CDK19: variants seen among roughly 807,000 people sequenced by gnomAD.
The protein encoded by CDK19 is cyclin-dependent kinase 19.
A neutral mutation model predicts 68.3 loss-of-function variants in CDK19; 20 were observed. The ratio of observed to expected loss-of-function variants is 0.29; its 90% CI spans 0.21 to 0.43. CDK19 has a LOEUF of 0.43. CDK19 is among the 20% of genes least tolerant of loss of function. CDK19 has a pLI of 1.00. For missense variants in CDK19, 339 were observed against 623.5 expected, an observed-to-expected ratio of 0.54 and a Z score of 4.86; for synonymous variants, 221 against 222.8, an observed-to-expected ratio of 0.99 and a Z score of 0.07.
At chr6:110,806,398 C>A (rs549332183) in intron 1 of CDK19, among the ~76,000 whole-genome samples, 92 of 151,970 alleles carry the variant, frequency 6.1e-4, no homozygotes, top group Middle Eastern at 3.2e-3. Flanking sequence ...CTTAGCCAAC[C>A]CCCCCATCTC....
In CDK19 at chr6:110,610,961, C is replaced by T. The variant is rs868745382; in HGVS notation, c.*3574G>A. ...GCAGCACACATAGGTAAATGTCATC[C>T]CTTTCCATTCTTAAGAGTCCATTAT... On this transcript the variant is annotated 3_prime_UTR_variant, in exon 13 of 13. Coordinates refer to ENST00000368911, the MANE Select transcript of CDK19 (RefSeq NM_015076.5). 1 of 152,144 alleles carries T rather than the reference C, an allele frequency of 6.6e-6. No individual in the cohort carries two copies. Among genetic ancestry groups the T allele is most frequent in the Admixed American group, 6.5e-5 (1 of 15,274 alleles). The allele number at this position is 152,144 out of a possible 1,614,324, so 9.4% of individuals were successfully genotyped here.
At chr6:110,663,138 T>G (rs1330039648) in intron 4 of CDK19, among the ~76,000 whole-genome samples, 1 of 152,178 alleles carries the variant, frequency 6.6e-6, no homozygotes, top group Non-Finnish European at 1.5e-5. Context: ...TTATATGGAT[T>G]TTCCAGGTTT....
intron 1 of CDK19, among the ~76,000 whole-genome samples, chr6:110,799,083 C>T (rs1049497143): frequency 1.5e-5 from 2 of 135,472 alleles, no homozygotes; most frequent in Non-Finnish European, 1.5e-5. Flanking sequence ...GTTGAGGTTG[C>T]AGTGAGCTGT....
intron 1 of CDK19, among the ~76,000 whole-genome samples, chr6:110,764,159 T>G (rs1327291885): frequency 6.6e-6 from 1 of 152,212 alleles, no homozygotes; most frequent in Non-Finnish European, 1.5e-5. Context: ...AGACTCAATA[T>G]TGTCAAGAGC....
intron 1 of CDK19, among the ~76,000 whole-genome samples, chr6:110,812,812 T>TAAAAAAAAAAAA (rs66478846): frequency 9.8e-6 from 1 of 101,616 alleles, no homozygotes; most frequent in Non-Finnish European, 2.2e-5. Context: ...TTTAAAACAG[T>TAAAAAAAAAAAA]AAAAAAAAAA....
intron 1 of CDK19, among the ~76,000 whole-genome samples, chr6:110,804,947 C>A (rs802663): frequency 0.16 from 23,527 of 150,996 alleles, 2,036 homozygotes; most frequent in East Asian, 0.31. Context: ...CAGAACAAGA[C>A]TTCGTCTCAA....
intron 6 of CDK19, among the ~76,000 whole-genome samples, chr6:110,631,011 A>C: frequency 6.6e-6 from 1 of 152,160 alleles, no homozygotes; most frequent in East Asian, 1.9e-4. Flanking sequence ...TCCAAGTGTG[A>C]GAGTTTCCTT....
At chr6:110,808,216 C>T (rs181279759) in intron 1 of CDK19, among the ~76,000 whole-genome samples, 52 of 152,322 alleles carry the variant, frequency 3.4e-4, no homozygotes, top group African/African-American at 1.1e-3. Context: ...TTTCTAATCA[C>T]ACTAACTACA....
chr6:110,755,372 GC>G (rs1166665403), intron 1 of CDK19, among the ~76,000 whole-genome samples: 1 of 152,164 alleles, frequency 6.6e-6, no homozygotes, highest in Non-Finnish European at 1.5e-5. Flanking sequence ...AGACACACAA[GC>G]AAAGGGTACA....
In CDK19 at chr6:110,614,525, C is replaced by A. The variant is rs757754206; in HGVS notation, c.*10G>T. On this transcript the variant is annotated 3_prime_UTR_variant, in exon 13 of 13. Coordinates refer to ENST00000368911, the MANE Select transcript of CDK19 (RefSeq NM_015076.5). The stretch of plus-strand genomic sequence containing the variant: ...TCTGGGCTGGGCTGGCCTGGCCCAA[C>A]GGGAGCTGGTCAGTACCGGTGGGCC... 6.2e-7 allele frequency: 1 copy of A among 1,612,702 alleles called. No homozygotes were observed. The highest frequency in any genetic ancestry group is 1.3e-5 in the African/African-American group (1 of 74,856).
intron 6 of CDK19, among the ~76,000 whole-genome samples, chr6:110,630,613 T>C (rs1779376639): frequency 6.6e-6 from 1 of 152,188 alleles, no homozygotes. Flanking sequence ...CCACTTGCTG[T>C]CTGTAGTTCT....
intron 1 of CDK19, among the ~76,000 whole-genome samples, chr6:110,766,719 AC>A (rs1202258965): frequency 2.0e-5 from 3 of 152,000 alleles, no homozygotes; most frequent in Admixed American, 2.0e-4. Flanking sequence ...AGTTGATCCT[AC>A]CTAGTGCAAT....
intron 2 of CDK19, among the ~76,000 whole-genome samples, chr6:110,707,089 T>C (rs1774573616): frequency 6.6e-6 from 1 of 150,776 alleles, no homozygotes; most frequent in Non-Finnish European, 1.5e-5. Flanking sequence ...GGCAGGCCGA[T>C]CACCTGAGGT....
intron 2 of CDK19, among the ~76,000 whole-genome samples, chr6:110,680,767 T>G (rs1771943270): frequency 6.6e-6 from 1 of 151,138 alleles, no homozygotes; most frequent in African/African-American, 2.4e-5. Flanking sequence ...GAGGCCGAGG[T>G]GGACAGATCA....
At chr6:110,734,987 T>A (rs1777131690) in intron 2 of CDK19, among the ~76,000 whole-genome samples, 1 of 152,212 alleles carries the variant, frequency 6.6e-6, no homozygotes, top group South Asian at 2.1e-4. Flanking sequence ...CCTATTCAAG[T>A]AATGTATATT....
At chr6:110,810,674 T>C (rs1161565993) in intron 1 of CDK19, among the ~76,000 whole-genome samples, 1 of 151,698 alleles carries the variant, frequency 6.6e-6, no homozygotes. Flanking sequence ...CTCAGGAGGC[T>C]GAGGCAGGAC....
chr6:110,779,279 C>T lies in CDK19; in HGVS notation c.129-33078G>A, dbSNP rs74873830. Among the ~76,000 whole-genome samples the T allele has an allele frequency of 5.5e-3, 841 of 152,208 alleles. 8 individuals carry two copies. Among genetic ancestry groups the T allele is most frequent in the African/African-American group, 0.02 (815 of 41,520 alleles). ...ATATACACTTTGCTGGGAATAAATG[C>T]CTTTCCCCAGTCTTTCTCCATGTAT... On this transcript the variant is annotated intron_variant, in intron 1 of 12. Coordinates refer to ENST00000368911, the MANE Select transcript of CDK19 (RefSeq NM_015076.5).
At chr6:110,704,552 A>G (rs1409769500) in intron 2 of CDK19, among the ~76,000 whole-genome samples, 1 of 152,212 alleles carries the variant, frequency 6.6e-6, no homozygotes, top group Non-Finnish European at 1.5e-5. Context: ...TTTGGAAGTC[A>G]GCAAATGATC....
chr6:110,646,636 G>A (rs1164163162), intron 4 of CDK19: 12 of 556,046 alleles, frequency 2.2e-5, no homozygotes, highest in Admixed American at 1.0e-4. Context: ...GACAAAGTTA[G>A]TTTTACTACT....
Sources: gnomAD v4.1 joint callset for allele counts (sites outside exome capture counted in the v4.1 genomes callset) on GRCh38, gnomAD v4.1.1 for gene constraint, MANE v1.5 for transcripts, NCBI Gene and HGNC (gene_info 2026-07-23, HGNC 2026-07-21) for gene names.